RET: variants seen among roughly 807,000 people sequenced by gnomAD.
RET encodes the protein ret proto-oncogene, also known as proto-oncogene tyrosine-protein kinase receptor Ret.
In RET, 19 loss-of-function variants were observed where a neutral mutation model predicts 118.3. The ratio of observed to expected loss-of-function variants is 0.16; its 90% confidence interval spans 0.11 to 0.24. The LOEUF is 0.24. Among genes scored for constraint, RET ranks in the 10% least tolerant of loss-of-function variants. The probability of loss-of-function intolerance (pLI) is 1.00; values close to 1 mark genes in which losing one functional copy is unlikely to be tolerated. For synonymous variants in RET, 597 were observed against 644.1 expected (o/e 0.93, Z 1.11); for missense variants, 1,219 against 1,502.1 (o/e 0.81, Z 3.12).
chr10:43,121,864 G>A, intron 15 of RET, 82 bp from the exon 16 acceptor site: 1 of 1,033,700 alleles, frequency 9.7e-7, no homozygotes, highest in Non-Finnish European at 1.5e-6. Context: ...AAAGCTCAGG[G>A]ATAGGGCCTG....
At chr10:43,127,101 A>G in intron 19 of RET, 1 of 1,172,588 alleles carries the variant, frequency 8.5e-7, no homozygotes, top group South Asian at 2.4e-5. Context: ...CTGGGGAGGT[A>G]TTCAGTTGAG....
At chr10:43,080,682 C>T (rs1441259570) in intron 1 of RET, among the ~76,000 whole-genome samples, 2 of 152,248 alleles carry the variant, frequency 1.3e-5, no homozygotes, top group Non-Finnish European at 2.9e-5. Context: ...GCCCAGATCC[C>T]AGAGTAATGT....
intron 11 of RET, 101 bp from the exon 12 acceptor site, chr10:43,116,483 A>T: frequency 2.1e-6 from 3 of 1,421,098 alleles, no homozygotes; most frequent in Non-Finnish European, 2.0e-6. Context: ...GCACATTGGA[A>T]CTTGTCCATG....
At chr10:43,091,415 G>C (rs1271626792) in intron 1 of RET, among the ~76,000 whole-genome samples, 1 of 151,988 alleles carries the variant, frequency 6.6e-6, no homozygotes, top group Non-Finnish European at 1.5e-5. Context: ...GATCACTTGA[G>C]GTCAGGAGTT....
rs1179586275 is a variant in RET at position 43,106,345 on chromosome 10, T to A, written c.868-31T>A. 2 of 1,602,326 alleles carry A rather than the reference T, an allele frequency of 1.2e-6. No individual in the cohort carries two copies. The highest frequency in any genetic ancestry group is 1.7e-6 in the Non-Finnish European group (2 of 1,178,778). ...GGGGGTCTGAGGGGCCCATCTCGCC[T>A]GCACTGACCAACGCCCTCTGCATCC... On this transcript the variant is annotated intron_variant, in intron 4 of 19. Transcript: ENST00000355710. The surrounding 1 kb of genome is among the most constrained non-coding windows in gnomAD (Gnocchi z 5.1).
chr10:43,088,371 G>A (rs1588855475), intron 1 of RET, among the ~76,000 whole-genome samples: 3 of 150,986 alleles, frequency 2.0e-5, no homozygotes, highest in Admixed American at 2.0e-4. Context: ...AGGCGGTGGT[G>A]TTAGTGGAGG....
At chr10:43,099,811 G>C (rs755283735) in intron 1 of RET, among the ~76,000 whole-genome samples, 3 of 152,196 alleles carry the variant, frequency 2.0e-5, no homozygotes, top group Non-Finnish European at 4.4e-5. Flanking sequence ...CCTTGGCATG[G>C]TTTGTGTGTG....
At position 43,077,097 on chromosome 10, in the gene RET, C is replaced by G. The variant is rs1436563243; in HGVS notation, c.-162C>G. 9.2e-6 allele frequency: 10 copies of G among 1,082,032 alleles called. No homozygotes were observed. The South Asian group carries it at 2.9e-4, about 31-fold the overall frequency. 67.0% of individuals were successfully genotyped at this position (1,082,032 alleles called of 1,614,324 possible). ...CCCGCGACCGAAGCAGGGCGCGCAG[C>G]AGCGCTGAGTGCCCCGGAACGTGCG... On this transcript the variant is annotated 5_prime_UTR_variant, in exon 1 of 20. Transcript: ENST00000355710.
Position 43,128,202 on chromosome 10 carries a change from A to G in RET, c.3278A>G (p.Asp1093Gly), listed in dbSNP as rs1564502609. Residue 1093 changes from aspartate (D) to glycine (G), a missense_variant, in exon 20 of 20, where the codon GAT (aspartate) becomes GGT (glycine). Physicochemically the swap from Asp to Gly is moderately conservative, Grantham distance 94 (BLOSUM62 -1). Around this residue, in one of 5 missense-constraint regions of RET, gnomAD observed 174 missense variants for 179.3 expected, o/e 0.97. Transcript: ENST00000355710. ...TNTGFPRYPN[D>G]SVYANWMLSP... ...ACTGGGTTTCCAAGATATCCAAATG[A>G]TAGTGTATATGCTAACTGGATGCTT... 1.9e-6 allele frequency: 3 copies of G among 1,614,188 alleles called. No individual in the cohort carries two copies. Among genetic ancestry groups the G allele is most frequent in the African/African-American group, 1.3e-5 (1 of 75,062 alleles).
chr10:43,110,158 G>C (rs1474283505), intron 6 of RET, among the ~76,000 whole-genome samples: 1 of 150,896 alleles, frequency 6.6e-6, no homozygotes, highest in Non-Finnish European at 1.5e-5. Flanking sequence ...AGAGGGCCCC[G>C]GGGGGTCTCA....
At chr10:43,113,786 A>G (rs1403442686) in intron 10 of RET, 111 bp downstream of exon 10, 2 of 1,477,194 alleles carry the variant, frequency 1.4e-6, no homozygotes, top group Non-Finnish European at 1.8e-6. Flanking sequence ...AGTGGGCCCC[A>G]TGAAACTTCC....
intron 5 of RET, among the ~76,000 whole-genome samples, chr10:43,107,619 C>T (rs918960702): frequency 2.7e-5 from 4 of 149,406 alleles, no homozygotes; most frequent in Non-Finnish European, 4.4e-5. Flanking sequence ...ACCCAAAAAA[C>T]GAAACTCTGT....
chr10:43,120,040 C>A (rs1838175859), intron 14 of RET, 41 bp from the exon 15 acceptor site: 3 of 1,610,734 alleles, frequency 1.9e-6, no homozygotes, highest in Non-Finnish European at 8.5e-7. Context: ...ACCGCTGCTG[C>A]CTGGCCATGG....
intron 1 of RET, among the ~76,000 whole-genome samples, chr10:43,078,236 C>G (rs1837095270): frequency 6.6e-6 from 1 of 152,228 alleles, no homozygotes; most frequent in South Asian, 2.1e-4. Context: ...CTGGCCCTGA[C>G]TTGATCCCCT....
Position 43,119,493 on chromosome 10 carries a change from T to C in RET, c.2393-38T>C, listed in dbSNP as rs1277750817. The stretch of plus-strand genomic sequence containing the variant: ...TGGCTCCTGGAAGACCCAAGCTGCC[T>C]GACCCGCACGCCCAGGGCCCCCTCT... On this transcript the variant is annotated intron_variant, in intron 13 of 19. Coordinates refer to ENST00000355710, the MANE Select transcript of RET (RefSeq NM_020975.6). 4.5e-6 allele frequency: 7 copies of C among 1,555,832 alleles called. No individual in the cohort carries two copies. The South Asian group carries it at 7.0e-5, about 16-fold the overall frequency.
chr10:43,109,105 G>A lies in RET; in HGVS notation c.1138G>A (p.Asp380Asn), dbSNP rs1394361948. 3 of 1,613,904 alleles carry A rather than the reference G, an allele frequency of 1.9e-6. No individual in the cohort carries two copies. In the Admixed American group the frequency reaches 5.0e-5, roughly 27 times the overall value. Residue 380 changes from aspartate (D) to asparagine (N), a missense_variant, in exon 6 of 20, where the codon GAC becomes AAC. Asp to Asn is a conservative substitution (Grantham distance 23). This residue lies in a region of RET where 850 missense variants were observed against 969.6 expected (regional missense o/e 0.88). Transcript: ENST00000355710. ...GCTGGCGGTGCTGGTCAATGACTCAGACTTCCAGGGCCCAGGAGCGGGCGT... is the reference window on the plus strand; with the variant it reads ...GCTGGCGGTGCTGGTCAATGACTCAAACTTCCAGGGCCCAGGAGCGGGCGT... ...MQLAVLVNDSDFQGPGAGVLL... is the reference protein window; with the variant it reads ...MQLAVLVNDSNFQGPGAGVLL...
intron 1 of RET, 59 bp downstream of exon 1, chr10:43,077,390 C>T (rs1837070806): frequency 6.8e-7 from 1 of 1,471,302 alleles, no homozygotes; most frequent in East Asian, 2.9e-5. Context: ...CGCCGAGCAG[C>T]GGAGCGGGCG....
rs548116443 is a variant in RET, at chr10:43,104,410, G to A, written c.626-542G>A. ...CGGGCGCCTGTAGTCCCAGCTACTCGGGAGGCTGAGGCAGGAGAATCGCCT... is the reference window on the plus strand; with the variant it reads ...CGGGCGCCTGTAGTCCCAGCTACTCAGGAGGCTGAGGCAGGAGAATCGCCT... On this transcript the variant is annotated intron_variant, in intron 3 of 19. Transcript: ENST00000355710. Among the ~76,000 whole-genome samples the A allele has an allele frequency of 1.1e-4, 16 of 152,284 alleles. No individual in the cohort carries two copies. In the East Asian group the frequency reaches 2.7e-3, roughly 26 times the overall value.
rs886046990 is a variant in RET at position 43,128,444 on chromosome 10, C to G, written c.*175C>G. 11 of 720,476 alleles carry G rather than the reference C, an allele frequency of 1.5e-5. No homozygotes were observed. In the Admixed American group the frequency reaches 1.7e-4, roughly 11 times the overall value. 44.6% of individuals were successfully genotyped at this position (720,476 alleles called of 1,614,324 possible). On this transcript the variant is annotated 3_prime_UTR_variant, in exon 20 of 20. Transcript: ENST00000355710. ...TCCAAGGTGGTTTTACTTCTGATAG[C>G]CGGTGATTTTCCCTCCTAGCAGACA...
Sources: gnomAD v4.1 joint callset for allele counts (sites outside exome capture counted in the v4.1 genomes callset) on GRCh38, gnomAD v4.1.1 for gene constraint, gnomAD v4.1.1 regional missense constraint, Gnocchi (gnomAD v3.1) non-coding constraint, MANE v1.5 for transcripts, NCBI Gene and HGNC (gene_info 2026-07-23, HGNC 2026-07-21) for gene names.